TRIQK: variants seen among roughly 807,000 people sequenced by gnomAD.
The protein encoded by TRIQK is triple QxxK/R motif containing.
A neutral mutation model predicts 10.8 loss-of-function variants in TRIQK; 10 were observed. The observed-to-expected ratio is 0.92, with a 90% CI of 0.57 to 1.57. TRIQK has a LOEUF of 1.57. Ranked by LOEUF, TRIQK falls within the 40% of genes most tolerant of loss-of-function variation. TRIQK has a pLI of 0.00. For missense variants in TRIQK, 107 were observed against 97.7 expected, an observed-to-expected ratio of 1.09 and a Z score of -0.40; for synonymous variants, 33 against 33.7, an observed-to-expected ratio of 0.98 and a Z score of 0.07.
chr8:92,969,046 A>G (rs903108539), upstream of TRIQK, among the ~76,000 whole-genome samples: 7 of 152,148 alleles, frequency 4.6e-5, no homozygotes, highest in Non-Finnish European at 7.4e-5. Context: ...AACACCATTT[A>G]TTAAATAGGG....
At chr8:92,921,444 C>G (rs968574907) in intron 2 of TRIQK, 3 of 151,642 alleles carry the variant, frequency 2.0e-5, no homozygotes, top group Admixed American at 6.6e-5. Context: ...GTGGACACAT[C>G]ACTTATTTTC....
chr8:92,979,574 T>C (rs1305040928), intron 1 of TRIQK, among the ~76,000 whole-genome samples: 1 of 152,100 alleles, frequency 6.6e-6, no homozygotes, highest in Non-Finnish European at 1.5e-5. Flanking sequence ...TTAAATGGTT[T>C]TTTGTAATAA....
At chr8:92,971,878 C>T (rs1008790680) in intron 1 of TRIQK, among the ~76,000 whole-genome samples, 4 of 152,140 alleles carry the variant, frequency 2.6e-5, no homozygotes, top group African/African-American at 4.8e-5. Flanking sequence ...AGAGGCATCA[C>T]GGTATCCAAC....
intron 1 of TRIQK, among the ~76,000 whole-genome samples, chr8:92,998,524 T>A (rs1306551731): frequency 1.3e-5 from 2 of 152,038 alleles, no homozygotes; most frequent in Non-Finnish European, 2.9e-5. Flanking sequence ...GCATTTTATA[T>A]CTCATCAAAG....
At chr8:93,005,685 A>G (rs1185725905) in intron 1 of TRIQK, among the ~76,000 whole-genome samples, 1 of 152,170 alleles carries the variant, frequency 6.6e-6, no homozygotes, top group Non-Finnish European at 1.5e-5. Flanking sequence ...AATATACAGA[A>G]TGTGGGAAAA....
At chr8:92,945,797 T>G (rs1811501313) in intron 2 of TRIQK, among the ~76,000 whole-genome samples, 1 of 152,044 alleles carries the variant, frequency 6.6e-6, no homozygotes, top group Non-Finnish European at 1.5e-5. Flanking sequence ...ATACAGTTAA[T>G]TATCAATTAA....
chr8:92,943,998 T>G (rs2130622995), intron 2 of TRIQK, among the ~76,000 whole-genome samples: 1 of 152,158 alleles, frequency 6.6e-6, no homozygotes, highest in Non-Finnish European at 1.5e-5. Flanking sequence ...TATTAGGAAG[T>G]CGATCAACTC....
intron 3 of TRIQK, among the ~76,000 whole-genome samples, chr8:92,913,538 A>C (rs1809676817): frequency 1.3e-5 from 2 of 152,206 alleles, no homozygotes; most frequent in Admixed American, 1.3e-4. Flanking sequence ...CAATTAGTTC[A>C]ACCATTGTAG....
chr8:92,904,978 A>G (rs569492272), intron 3 of TRIQK, among the ~76,000 whole-genome samples: 10 of 152,280 alleles, frequency 6.6e-5, no homozygotes, highest in African/African-American at 2.4e-4. Flanking sequence ...CATGGTGCAA[A>G]GGCTCAACTT....
chr8:93,016,675 G>GATAGAA (rs1191057671), intron 1 of TRIQK, among the ~76,000 whole-genome samples: 1 of 152,172 alleles, frequency 6.6e-6, no homozygotes, highest in African/African-American at 2.4e-5. Context: ...GCTTTATGAA[G>GATAGAA]ATAGAAATGT....
At chr8:92,987,791 A>G (rs1275682308) in intron 1 of TRIQK, among the ~76,000 whole-genome samples, 1 of 152,114 alleles carries the variant, frequency 6.6e-6, no homozygotes, top group East Asian at 1.9e-4. Flanking sequence ...TTTGAAGAAT[A>G]TTTAAAAACA....
intron 1 of TRIQK, among the ~76,000 whole-genome samples, chr8:93,009,006 G>A (rs934606335): frequency 1.3e-5 from 2 of 152,168 alleles, no homozygotes; most frequent in African/African-American, 2.4e-5. Context: ...GCACAGAAAA[G>A]GGAGTAATCA....
At chr8:92,969,830 G>C (rs2130736421), upstream of TRIQK, among the ~76,000 whole-genome samples, 2 of 152,080 alleles carry the variant, frequency 1.3e-5, no homozygotes, top group South Asian at 4.2e-4. Context: ...TGCAGAATAT[G>C]TGGGTTTGTT....
At chr8:92,940,871 G>A (rs1221086983) in intron 2 of TRIQK, among the ~76,000 whole-genome samples, 1 of 152,152 alleles carries the variant, frequency 6.6e-6, no homozygotes, top group African/African-American at 2.4e-5. Context: ...TAGATCATAT[G>A]TTAGATCACA....
chr8:92,910,094 T>C (rs1275189509), intron 3 of TRIQK, among the ~76,000 whole-genome samples: 1 of 151,552 alleles, frequency 6.6e-6, no homozygotes, highest in Non-Finnish European at 1.5e-5. Flanking sequence ...AGTTGCTTTA[T>C]TGATTATTTA....
intron 1 of TRIQK, among the ~76,000 whole-genome samples, chr8:92,996,317 T>C (rs1460457419): frequency 6.6e-6 from 1 of 152,106 alleles, no homozygotes; most frequent in Non-Finnish European, 1.5e-5. Flanking sequence ...TATTTTCCAA[T>C]GTTCTCATGG....
chr8:92,936,429 T>C (rs1305952290), intron 2 of TRIQK, among the ~76,000 whole-genome samples: 5 of 151,490 alleles, frequency 3.3e-5, no homozygotes, highest in Admixed American at 6.6e-5. Context: ...CCATTCATTA[T>C]TACAGGGGGA....
At chr8:92,945,167 A>G (rs1047047755) in intron 2 of TRIQK, among the ~76,000 whole-genome samples, 1 of 152,152 alleles carries the variant, frequency 6.6e-6, no homozygotes, top group African/African-American at 2.4e-5. Flanking sequence ...AATTCACTAC[A>G]TACTGGACTT....
intron 1 of TRIQK, among the ~76,000 whole-genome samples, chr8:92,991,718 C>G (rs1439335887): frequency 6.6e-6 from 1 of 152,186 alleles, no homozygotes; most frequent in African/African-American, 2.4e-5. Flanking sequence ...CAAATTGTCT[C>G]TGTTTGCAGA....
Sources: allele counts gnomAD v4.1 joint callset (sites outside exome capture counted in the v4.1 genomes callset), GRCh38; gene constraint gnomAD v4.1.1; transcripts MANE v1.5; gene names NCBI Gene and HGNC (gene_info 2026-07-23, HGNC 2026-07-21).